The following CTNND2 variants were observed in gnomAD, a reference collection of about 807,000 sequenced individuals.
CTNND2 encodes catenin delta 2.
CTNND2 carries 22 observed loss-of-function variants against 144.4 expected under a neutral mutation model. The ratio of observed to expected loss-of-function variants is 0.15; its 90% confidence interval spans 0.11 to 0.22. The LOEUF is 0.22. Among genes scored for constraint, CTNND2 ranks in the 10% least tolerant of loss-of-function variants. The probability of loss-of-function intolerance (pLI) is 1.00; values close to 1 mark genes in which losing one functional copy is unlikely to be tolerated. For synonymous variants in CTNND2, 751 were observed against 695.6 expected (o/e 1.08, Z -1.25); for missense variants, 1,353 against 1,618.8 (o/e 0.84, Z 2.82).
chr5:11,424,375 A>C (rs1016807847), intron 3 of CTNND2, among the ~76,000 whole-genome samples: 4 of 152,190 alleles, frequency 2.6e-5, no homozygotes, highest in African/African-American at 9.7e-5. Context: ...GGAGACTTGC[A>C]GTTATGGAAT....
chr5:11,285,660 G>C (rs1199592232), intron 9 of CTNND2, among the ~76,000 whole-genome samples: 1 of 152,028 alleles, frequency 6.6e-6, no homozygotes, highest in Non-Finnish European at 1.5e-5. Context: ...TGAAACGAAA[G>C]AATGGCAGGT....
intron 12 of CTNND2, among the ~76,000 whole-genome samples, chr5:11,150,225 A>G (rs2149751164): frequency 6.6e-6 from 1 of 152,244 alleles, no homozygotes; most frequent in Admixed American, 6.5e-5. Flanking sequence ...GCAATGGAAA[A>G]GAACCCAGGG....
At chr5:11,385,567 G>C (rs1759000188) in intron 6 of CTNND2, among the ~76,000 whole-genome samples, 1 of 152,148 alleles carries the variant, frequency 6.6e-6, no homozygotes. Flanking sequence ...CACCCCGACA[G>C]GGCAATCATG....
Position 11,104,980 on chromosome 5 carries a change from A to C in CTNND2, c.2463+5878T>G, listed in dbSNP as rs897265864. On this transcript the variant is annotated intron_variant, in intron 14 of 21. Transcript: ENST00000304623. ...GCCCGGTGAGCACACATCCCTCAGG[A>C]GTGAAGCTGGTGATGCTGCCTACTC... Among the ~76,000 whole-genome samples, 5 of 152,288 alleles carry C rather than the reference A, an allele frequency of 3.3e-5. No homozygotes were observed. In the East Asian group the frequency reaches 9.7e-4, roughly 29 times the overall value.
At chr5:11,200,836 G>A (rs1262660146) in intron 10 of CTNND2, among the ~76,000 whole-genome samples, 3 of 152,054 alleles carry the variant, frequency 2.0e-5, no homozygotes, top group African/African-American at 7.2e-5. Flanking sequence ...CCGCCACCAC[G>A]CCCGGCTATT....
At chr5:11,178,542 A>G (rs964871796) in intron 11 of CTNND2, among the ~76,000 whole-genome samples, 4 of 152,190 alleles carry the variant, frequency 2.6e-5, no homozygotes, top group African/African-American at 9.7e-5. Context: ...AAAACCTGTG[A>G]TATGAGTCCT....
At chr5:11,121,333 A>G (rs1278865022) in intron 12 of CTNND2, among the ~76,000 whole-genome samples, 1 of 152,248 alleles carries the variant, frequency 6.6e-6, no homozygotes, top group African/African-American at 2.4e-5. Flanking sequence ...TACTTAAACC[A>G]TCTTCTGCCC....
At chr5:11,411,849 T>C (rs182501352) in intron 4 of CTNND2, among the ~76,000 whole-genome samples, 186 bp downstream of exon 4, 10 of 152,330 alleles carry the variant, frequency 6.6e-5, no homozygotes, top group Non-Finnish European at 1.0e-4. Flanking sequence ...TTGAAGAGCA[T>C]AGTTACTACA....
intron 2 of CTNND2, among the ~76,000 whole-genome samples, chr5:11,600,922 T>A (rs1023356827): frequency 3.3e-5 from 5 of 152,060 alleles, no homozygotes; most frequent in African/African-American, 1.2e-4. Flanking sequence ...TGCCTCCCAG[T>A]GAGAAGGCAA....
chr5:11,128,941 T>TATATATAATATATATATATATATA (rs1755073619), intron 12 of CTNND2, among the ~76,000 whole-genome samples: 1 of 38,550 alleles, frequency 2.6e-5, no homozygotes, highest in African/African-American at 8.1e-5. Flanking sequence ...ATATATATAT[T>TATATATAATATATATATATATATA]ATATATAATA....
chr5:11,581,489 T>C (rs1394318140), intron 2 of CTNND2, among the ~76,000 whole-genome samples: 1 of 152,214 alleles, frequency 6.6e-6, no homozygotes, highest in African/African-American at 2.4e-5. Flanking sequence ...CAAAGGGATA[T>C]ATAAACATAT....
At chr5:11,464,673 CAG>C (rs1766503871) in intron 3 of CTNND2, among the ~76,000 whole-genome samples, 1 of 151,962 alleles carries the variant, frequency 6.6e-6, no homozygotes, top group South Asian at 2.1e-4. Context: ...AGCCATGGGG[CAG>C]AGATATACAG....
chr5:11,728,529 A>AT (rs1787149928), intron 2 of CTNND2, among the ~76,000 whole-genome samples: 1 of 152,142 alleles, frequency 6.6e-6, no homozygotes, highest in South Asian at 2.1e-4. Flanking sequence ...ACTTTCCTAT[A>AT]TTTTGTACAA....
intron 16 of CTNND2, among the ~76,000 whole-genome samples, chr5:11,056,097 C>T (rs921806503): frequency 1.6e-4 from 24 of 152,318 alleles, no homozygotes; most frequent in Admixed American, 4.6e-4. Flanking sequence ...TGTCTCCCAC[C>T]ATCAGGCTTT....
At chr5:11,415,923 G>A (rs1226562899) in intron 3 of CTNND2, among the ~76,000 whole-genome samples, 1 of 152,088 alleles carries the variant, frequency 6.6e-6, no homozygotes, top group Non-Finnish European at 1.5e-5. Flanking sequence ...GCATGCCTGA[G>A]TAACTATGTG....
At chr5:11,644,274 T>A (rs147063087) in intron 2 of CTNND2, among the ~76,000 whole-genome samples, 1 of 152,236 alleles carries the variant, frequency 6.6e-6, no homozygotes, top group Non-Finnish European at 1.5e-5. Flanking sequence ...GCACTTTATG[T>A]AGGATGTTTC....
At chr5:11,098,502 C>T in intron 15 of CTNND2, 73 bp downstream of exon 15, 1 of 1,345,834 alleles carries the variant, frequency 7.4e-7, no homozygotes, top group Admixed American at 2.3e-5. Context: ...TTTCTCAAAA[C>T]TGGACTTATA....
rs547024904 is a variant in CTNND2, at chr5:11,561,974, A to AG, written c.287+2969dup. On this transcript the variant is annotated intron_variant, in intron 3 of 21. Transcript: ENST00000304623. Reference sequence around the variant, plus strand: ...GGCAGGAGAATCCCTTGAACCCAGGAGGGGGAGGCTGCAGTAAGCCGAGAT... The same window carrying AG: ...GGCAGGAGAATCCCTTGAACCCAGGAGGGGGGAGGCTGCAGTAAGCCGAGAT... Among the ~76,000 whole-genome samples the AG allele has an allele frequency of 6.4e-4, 98 of 152,164 alleles. 1 individual carries two copies. Among genetic ancestry groups the AG allele is most frequent in the African/African-American group, 2.2e-3 (93 of 41,506 alleles).
At chr5:11,350,969 T>C (rs183463525) in intron 8 of CTNND2, among the ~76,000 whole-genome samples, 1 of 152,286 alleles carries the variant, frequency 6.6e-6, no homozygotes, top group Non-Finnish European at 1.5e-5. Context: ...TATTAGAAAA[T>C]GGAAAAGTGC....
Sources: gnomAD v4.1 joint callset for allele counts (sites outside exome capture counted in the v4.1 genomes callset) on GRCh38, gnomAD v4.1.1 for gene constraint, MANE v1.5 for transcripts, NCBI Gene and HGNC (gene_info 2026-07-23, HGNC 2026-07-21) for gene names.